DPH6: variants seen among roughly 807,000 people sequenced by gnomAD.
The protein encoded by DPH6 is diphthamine biosynthesis 6.
In DPH6, 33 loss-of-function variants were observed where a neutral mutation model predicts 38.2. The observed-to-expected ratio is 0.86, with a 90% CI of 0.65 to 1.15. The LOEUF is 1.15. Ranked by LOEUF, DPH6 falls within the 50% of genes most tolerant of loss-of-function variation. The pLI is 0.00. For missense variants in DPH6, 325 were observed against 320.0 expected (o/e 1.02, Z -0.12); for synonymous variants, 108 against 103.0 (o/e 1.05, Z -0.30).
At chr15:35,464,292 CA>C (rs371821044) in intron 3 of DPH6, among the ~76,000 whole-genome samples, 5,773 of 113,240 alleles carry the variant, frequency 0.051, 276 homozygotes, top group African/African-American at 0.14. Flanking sequence ...GACTTTGTCT[CA>C]AAAAAAAAAA....
At chr15:35,413,616 ATCTT>A in intron 5 of DPH6, among the ~76,000 whole-genome samples, 1 of 151,616 alleles carries the variant, frequency 6.6e-6, no homozygotes, top group Admixed American at 6.6e-5. Context: ...TTTTGCTAAT[ATCTT>A]TCTTATATAT....
chr15:35,324,068 A>G (rs1197609170), intron 3 of DPH6, among the ~76,000 whole-genome samples: 1 of 152,176 alleles, frequency 6.6e-6, no homozygotes, highest in Non-Finnish European at 1.5e-5. Flanking sequence ...TGTAAATTTG[A>G]CCTTGTTAAC....
At chr15:35,477,479 T>C (rs16961059) in intron 3 of DPH6, among the ~76,000 whole-genome samples, 14,077 of 151,776 alleles carry the variant, frequency 0.093, 895 homozygotes, top group African/African-American at 0.18. Context: ...CAACACAGCA[T>C]ATTCATTCAT....
chr15:35,379,863 A>G (rs567766266), intron 7 of DPH6, among the ~76,000 whole-genome samples: 10 of 152,340 alleles, frequency 6.6e-5, no homozygotes, highest in African/African-American at 2.4e-4. Flanking sequence ...TAAGTATGAG[A>G]ACAAGCACTG....
intron 2 of DPH6, among the ~76,000 whole-genome samples, chr15:35,538,761 T>C (rs1024786750): frequency 6.6e-6 from 1 of 152,152 alleles, no homozygotes; most frequent in Non-Finnish European, 1.5e-5. Flanking sequence ...AAGAGTAATG[T>C]ATCCAATAAA....
At chr15:35,167,735 T>C in the DPH6 span, among the ~76,000 whole-genome samples, 1,198 of 152,084 alleles carry the variant, frequency 7.9e-3, 10 homozygotes, top group Non-Finnish European at 0.013. Context: ...TCAGAACACT[T>C]TGAATTAACC....
chr15:35,371,451 G>C lies in DPH6; in HGVS notation c.*699C>G. 4.9e-6 allele frequency: 2 copies of C among 410,352 alleles called. No homozygotes were observed. The highest frequency in any genetic ancestry group is 2.1e-4 in the South Asian group (2 of 9,674). The allele number at this position is 410,352 out of a possible 1,614,324, so 25.4% of individuals were successfully genotyped here. A position where few individuals can be genotyped will look rare whatever the true frequency, so the allele number is the denominator to read the frequency against. On this transcript the variant is annotated 3_prime_UTR_variant, in exon 9 of 9. Coordinates refer to ENST00000256538, the MANE Select transcript of DPH6 (RefSeq NM_080650.4). ...CGGTAGGGGAGGCTGTGAATGTGTG[G>C]AGGTAGAGGGTATATGGGAAATCTC...
intron 3 of DPH6, among the ~76,000 whole-genome samples, chr15:35,487,766 T>C (rs1358210343): frequency 6.6e-6 from 1 of 152,218 alleles, no homozygotes; most frequent in African/African-American, 2.4e-5. Flanking sequence ...GCAGCTTGAA[T>C]TTCTCCCCAG....
At chr15:35,250,654 C>G (rs1314165912) in intron 3 of DPH6, among the ~76,000 whole-genome samples, 1 of 151,668 alleles carries the variant, frequency 6.6e-6, no homozygotes, top group African/African-American at 2.4e-5. Context: ...AATTAAGTAC[C>G]TACTATGCAT....
intron 3 of DPH6, among the ~76,000 whole-genome samples, chr15:35,317,714 AATT>A (rs2052205479): frequency 6.6e-6 from 1 of 152,148 alleles, no homozygotes; most frequent in African/African-American, 2.4e-5. Context: ...AAAAAACAGT[AATT>A]ATTATGTCTT....
At chr15:35,312,010 GAAAAAAAAA>G (rs10573455) in intron 3 of DPH6, among the ~76,000 whole-genome samples, 1 of 102,142 alleles carries the variant, frequency 9.8e-6, no homozygotes, top group Admixed American at 1.1e-4. Context: ...TTAAGAAAAT[GAAAAAAAAA>G]AAAAAAAAAA....
At chr15:35,366,586 T>C (rs778193861), downstream of DPH6, among the ~76,000 whole-genome samples, 1 of 151,922 alleles carries the variant, frequency 6.6e-6, no homozygotes, top group Non-Finnish European at 1.5e-5. Flanking sequence ...CCCTTCCTGC[T>C]CCCTTCCCCA....
downstream of DPH6, among the ~76,000 whole-genome samples, chr15:35,330,230 G>T (rs1413783250): frequency 6.6e-6 from 1 of 152,110 alleles, no homozygotes; most frequent in African/African-American, 2.4e-5. Flanking sequence ...CAAGCCAAAT[G>T]TGAAGATTTT....
intron 3 of DPH6, chr15:35,520,240 A>G (rs967050092): frequency 4.9e-5 from 40 of 820,560 alleles, no homozygotes; most frequent in Non-Finnish European, 5.9e-5. Flanking sequence ...CAAAAAAAAA[A>G]CAAAAGAAGA....
Position 35,543,259 on chromosome 15 carries a change from A to AATATATATATAT in DPH6, c.24-764_24-753dup, listed in dbSNP as rs6145522. Among the ~76,000 whole-genome samples the AATATATATATAT allele has an allele frequency of 1.2e-3, 136 of 114,064 alleles. 1 individual carries two copies. Among genetic ancestry groups the AATATATATATAT allele is most frequent in the Non-Finnish European group, 1.8e-3 (106 of 59,068 alleles). The allele number at this position is 114,064 out of a possible 152,430, so 74.8% of individuals were successfully genotyped here. ...ATACATATAGTACACACATACACAT[A>AATATATATATAT]ATATATATATATATATATATATATA... On this transcript the variant is annotated intron_variant, in intron 1 of 8. Coordinates refer to ENST00000256538, the MANE Select transcript of DPH6 (RefSeq NM_080650.4).
At chr15:35,274,722 T>G (rs528048595) in intron 3 of DPH6, among the ~76,000 whole-genome samples, 6 of 152,234 alleles carry the variant, frequency 3.9e-5, no homozygotes, top group Middle Eastern at 3.4e-3. Context: ...GAATGGTGAT[T>G]ATTAACAAGT....
At chr15:35,263,882 T>C (rs1168459980) in intron 3 of DPH6, among the ~76,000 whole-genome samples, 1 of 151,994 alleles carries the variant, frequency 6.6e-6, no homozygotes, top group Non-Finnish European at 1.5e-5. Context: ...TGGCTAATTT[T>C]TTTTGTATTT....
chr15:35,511,692 A>C (rs1481048781), intron 3 of DPH6, among the ~76,000 whole-genome samples: 1 of 152,106 alleles, frequency 6.6e-6, no homozygotes, highest in Non-Finnish European at 1.5e-5. Context: ...GAAACTACCA[A>C]GAGATTATCA....
chr15:35,244,104 A>C (rs1342589083), intron 3 of DPH6, among the ~76,000 whole-genome samples: 1 of 151,986 alleles, frequency 6.6e-6, no homozygotes, highest in Non-Finnish European at 1.5e-5. Flanking sequence ...TGAAGGCAGA[A>C]GCTATATACA....
Sources: gnomAD v4.1 joint callset for allele counts (sites outside exome capture counted in the v4.1 genomes callset) on GRCh38, gnomAD v4.1.1 for gene constraint, MANE v1.5 for transcripts, NCBI Gene and HGNC (gene_info 2026-07-23, HGNC 2026-07-21) for gene names.